CADPS2: variants seen among roughly 807,000 people sequenced by gnomAD.
CADPS2 encodes the protein calcium dependent secretion activator 2.
CADPS2 carries 93 observed loss-of-function variants against 172.5 expected under a neutral mutation model. The ratio of observed to expected loss-of-function variants is 0.54; its 90% confidence interval spans 0.46 to 0.64. The LOEUF is 0.64. Ranked by LOEUF, CADPS2 falls within the 30% of genes least tolerant of loss-of-function variation. The pLI is 0.00. For missense variants in CADPS2, 1,420 were observed against 1,565.9 expected, an observed-to-expected ratio of 0.91 and a Z score of 1.57; for synonymous variants, 546 against 555.2, an observed-to-expected ratio of 0.98 and a Z score of 0.23.
At chr7:122,510,855 G>A (rs2059957509) in intron 9 of CADPS2, among the ~76,000 whole-genome samples, 1 of 152,110 alleles carries the variant, frequency 6.6e-6, no homozygotes, top group African/African-American at 2.4e-5. Context: ...ATTTTGAAGT[G>A]TGTGCCCTCA....
intron 2 of CADPS2, among the ~76,000 whole-genome samples, chr7:122,727,192 G>A (rs755392522): frequency 7.9e-5 from 12 of 151,852 alleles, no homozygotes; most frequent in Admixed American, 1.3e-4. Flanking sequence ...TTCTGAACTG[G>A]GGTGCCAGTT....
At position 122,369,065 on chromosome 7, in the gene CADPS2, C is replaced by T. The variant is rs80051566; in HGVS notation, c.3388-8052G>A. Among the ~76,000 whole-genome samples the T allele has an allele frequency of 1.4e-3, 210 of 150,766 alleles. 1 individual carries two copies. In the East Asian group the frequency reaches 0.023, roughly 17 times the overall value. ...ACCCTTTCCTTGGTAAGATTTAATG[C>T]TCCTATTTTTTTTCCCTTGGTAAAA... On this transcript the variant is annotated intron_variant, in intron 25 of 29. Coordinates refer to ENST00000449022, the MANE Select transcript of CADPS2 (RefSeq NM_017954.11).
rs1158593671 is a variant in CADPS2 at position 122,827,460 on chromosome 7, C to G, written c.339+58539G>C. Among the ~76,000 whole-genome samples, 4 of 151,958 alleles carry G rather than the reference C, an allele frequency of 2.6e-5. No individual in the cohort carries two copies. In the East Asian group the frequency reaches 5.8e-4, roughly 22 times the overall value. On this transcript the variant is annotated intron_variant, in intron 1 of 29. Coordinates refer to ENST00000449022, the MANE Select transcript of CADPS2 (RefSeq NM_017954.11). ...CCAGCCTGACCAACATGGAGAAACA[C>G]TGTCTCTACTAAAAATAAAAAATTA...
Position 122,491,404 on chromosome 7 carries a change from A to G in CADPS2, c.1559T>C (p.Phe520Ser). ...FVLVQVSQYT[F>S]AMCSYREKKS... The stretch of plus-strand genomic sequence containing the variant: ...CTTTTCTCTATAACTGCACATAGCA[A>G]AGGTATATTGGCTAACCTGCTCGAG... Residue 520 changes from phenylalanine to serine, a missense_variant, in exon 10 of 30, where the codon TTT becomes TCT. Physicochemically the swap from Phe to Ser is radical, Grantham distance 155. Transcript: ENST00000449022. The G allele has an allele frequency of 6.2e-7, 1 of 1,607,814 alleles. No homozygotes were observed. The highest frequency in any genetic ancestry group is 8.5e-7 in the Non-Finnish European group (1 of 1,176,444).
Position 122,544,792 on chromosome 7 carries a change from A to T in CADPS2, c.1475+9758T>A, listed in dbSNP as rs1352493838. On this transcript the variant is annotated intron_variant, in intron 8 of 29. Transcript: ENST00000449022. ...GCCAAACCCAAAGTTGGAGGGGACA[A>T]GAAAGATTTAGGGCACAAGGTATGA... Among the ~76,000 whole-genome samples, 3 of 152,298 alleles carry T rather than the reference A, an allele frequency of 2.0e-5. No homozygotes were observed. The East Asian group carries it at 5.8e-4, about 29-fold the overall frequency.
intron 1 of CADPS2, among the ~76,000 whole-genome samples, chr7:122,845,088 A>C (rs1250425406): frequency 2.0e-5 from 3 of 152,144 alleles, no homozygotes; most frequent in African/African-American, 7.2e-5. Flanking sequence ...TACATTCTCT[A>C]TCACAAATCC....
chr7:122,644,963 G>C (rs1026085991), intron 3 of CADPS2, among the ~76,000 whole-genome samples: 1 of 151,636 alleles, frequency 6.6e-6, no homozygotes, highest in Admixed American at 6.6e-5. Flanking sequence ...CAGTTATAAG[G>C]GTCTTAAAAA....
intron 2 of CADPS2, chr7:122,697,724 G>A (rs1331737568): frequency 1.7e-6 from 2 of 1,209,726 alleles, no homozygotes; most frequent in African/African-American, 3.1e-5. Flanking sequence ...CAGACAAACT[G>A]CTTGTCAGTA....
chr7:122,835,283 T>C (rs907940596), intron 1 of CADPS2, among the ~76,000 whole-genome samples: 6 of 152,086 alleles, frequency 3.9e-5, no homozygotes, highest in African/African-American at 1.4e-4. Context: ...ACCCCACCTG[T>C]ACATCACCAT....
intron 4 of CADPS2, among the ~76,000 whole-genome samples, chr7:122,623,357 G>A (rs1039213173): frequency 2.6e-5 from 4 of 152,166 alleles, no homozygotes; most frequent in African/African-American, 9.7e-5. Flanking sequence ...CTTTAAGGCT[G>A]CCAGAAAAAG....
At chr7:122,399,879 G>A (rs1242840458) in intron 20 of CADPS2, among the ~76,000 whole-genome samples, 3 of 148,808 alleles carry the variant, frequency 2.0e-5, no homozygotes, top group Admixed American at 2.0e-4. Flanking sequence ...GTAGAGACGG[G>A]GTTTCACCGT....
chr7:122,340,218 A>G (rs2036558986), intron 28 of CADPS2, among the ~76,000 whole-genome samples: 4 of 152,204 alleles, frequency 2.6e-5, no homozygotes, highest in Non-Finnish European at 4.4e-5. Flanking sequence ...AAATATTACA[A>G]GACATCATAA....
At chr7:122,572,428 G>A (rs1490967902) in intron 7 of CADPS2, among the ~76,000 whole-genome samples, 1 of 152,062 alleles carries the variant, frequency 6.6e-6, no homozygotes, top group Non-Finnish European at 1.5e-5. Context: ...TGAAGATGTG[G>A]TATTAAGGCC....
intron 14 of CADPS2, among the ~76,000 whole-genome samples, chr7:122,457,129 A>G (rs1438372841): frequency 6.6e-6 from 1 of 152,220 alleles, no homozygotes; most frequent in African/African-American, 2.4e-5. Flanking sequence ...CAAACTAAAA[A>G]TTTAGTTTCT....
chr7:122,657,295 C>CT (rs1229980260), intron 3 of CADPS2, among the ~76,000 whole-genome samples: 2 of 152,146 alleles, frequency 1.3e-5, no homozygotes, highest in Non-Finnish European at 2.9e-5. Flanking sequence ...AATGCAGGCT[C>CT]TTTTTTGGTT....
intron 15 of CADPS2, among the ~76,000 whole-genome samples, chr7:122,444,934 T>C (rs971842564): frequency 1.3e-5 from 2 of 152,166 alleles, no homozygotes; most frequent in African/African-American, 4.8e-5. Context: ...ACTTTTGTAT[T>C]ATGGGTGAGG....
chr7:122,492,795 G>A (rs1454041964), intron 9 of CADPS2, among the ~76,000 whole-genome samples: 2 of 151,992 alleles, frequency 1.3e-5, no homozygotes, highest in Non-Finnish European at 2.9e-5. Flanking sequence ...CACCTTTGGT[G>A]ATCCAGTGAT....
At chr7:122,683,601 T>A (rs925480364) in intron 2 of CADPS2, among the ~76,000 whole-genome samples, 1 of 152,164 alleles carries the variant, frequency 6.6e-6, no homozygotes, top group African/African-American at 2.4e-5. Flanking sequence ...TAATACTACA[T>A]GACATAGTGA....
chr7:122,651,637 T>G lies in CADPS2; in HGVS notation c.786+11600A>C, dbSNP rs115740169. The stretch of plus-strand genomic sequence containing the variant: ...AGTCTTCAGACATGAAGAATTTGAG[T>G]GGGAGGAGGGATAAGTGAACAAGAT... On this transcript the variant is annotated intron_variant, in intron 3 of 29. Coordinates refer to ENST00000449022, the MANE Select transcript of CADPS2 (RefSeq NM_017954.11). Among the ~76,000 whole-genome samples, 594 of 152,084 alleles carry G rather than the reference T, an allele frequency of 3.9e-3. 4 individuals are homozygous for G. Among genetic ancestry groups the G allele is most frequent in the African/African-American group, 0.014 (561 of 41,496 alleles).
Sources: allele counts gnomAD v4.1 joint callset (sites outside exome capture counted in the v4.1 genomes callset), GRCh38; gene constraint gnomAD v4.1.1; transcripts MANE v1.5; gene names NCBI Gene and HGNC (gene_info 2026-07-23, HGNC 2026-07-21).